The following CCDC12 variants were observed in gnomAD, a reference collection of about 807,000 sequenced individuals.
The protein encoded by CCDC12 is coiled-coil domain containing 12.
CCDC12 carries 28 observed loss-of-function variants against 25.7 expected under a neutral mutation model. That is an observed-to-expected ratio of 1.09 (90% CI 0.81 to 1.50). CCDC12 has a LOEUF of 1.50. Ranked by LOEUF, CCDC12 falls within the 40% of genes most tolerant of loss-of-function variation. The pLI, the probability that CCDC12 is intolerant of heterozygous loss-of-function variation, is 0.00. For missense variants in CCDC12, 198 were observed against 210.0 expected (o/e 0.94, Z 0.35); for synonymous variants, 75 against 87.7 (o/e 0.86, Z 0.81).
intron 1 of CCDC12, among the ~76,000 whole-genome samples, chr3:46,946,919 G>A (rs1250984378): frequency 1.3e-5 from 2 of 152,164 alleles, no homozygotes; most frequent in Non-Finnish European, 2.9e-5. Context: ...GCTGACTAGA[G>A]CTCTCCCTTC....
At chr3:46,938,835 G>C (rs1362156580) in intron 2 of CCDC12, among the ~76,000 whole-genome samples, 1 of 151,614 alleles carries the variant, frequency 6.6e-6, no homozygotes, top group African/African-American at 2.4e-5. Flanking sequence ...CTGGGTGACA[G>C]AGCGAGACCC....
chr3:46,953,850 A>G (rs10461019), intron 1 of CCDC12, among the ~76,000 whole-genome samples: 144,591 of 152,112 alleles, frequency 0.95, 69,171 homozygotes, highest in East Asian at 1. Flanking sequence ...CTAACTGGTG[A>G]TGAGCAATGA....
chr3:46,941,798 G>A (rs55786350), intron 1 of CCDC12, among the ~76,000 whole-genome samples: 20,180 of 152,192 alleles, frequency 0.13, 1,758 homozygotes, highest in Non-Finnish European at 0.2. Context: ...AGCAACCAGG[G>A]CAGGATGAGA....
At chr3:46,946,786 A>G (rs1430414262) in intron 1 of CCDC12, among the ~76,000 whole-genome samples, 1 of 152,180 alleles carries the variant, frequency 6.6e-6, no homozygotes, top group Non-Finnish European at 1.5e-5. Flanking sequence ...TAAAGTTAAA[A>G]TGAGGGCTGG....
At chr3:46,933,108 G>T (rs898698742) in intron 2 of CCDC12, among the ~76,000 whole-genome samples, 2 of 152,196 alleles carry the variant, frequency 1.3e-5, no homozygotes, top group African/African-American at 4.8e-5. Context: ...AGGGCTCTGA[G>T]TGCTCAAGTG....
intron 2 of CCDC12, among the ~76,000 whole-genome samples, chr3:46,928,010 T>G (rs2033047092): frequency 1.3e-5 from 2 of 152,150 alleles, no homozygotes; most frequent in South Asian, 4.1e-4. Context: ...TTAACCTCCC[T>G]TATAAAAGCA....
chr3:46,946,384 C>T (rs1045482567), intron 1 of CCDC12, among the ~76,000 whole-genome samples: 4 of 152,214 alleles, frequency 2.6e-5, no homozygotes, highest in Non-Finnish European at 5.9e-5. Flanking sequence ...TAGGTGTTGT[C>T]GGGGAAGGAA....
At chr3:46,959,414 G>C (rs572433035) in intron 1 of CCDC12, among the ~76,000 whole-genome samples, 14 of 152,348 alleles carry the variant, frequency 9.2e-5, no homozygotes, top group Admixed American at 6.5e-4. Context: ...GGCTGGCACA[G>C]AGTACGTCCT....
chr3:46,944,320 G>A (rs1158284648), intron 1 of CCDC12, among the ~76,000 whole-genome samples: 2 of 151,986 alleles, frequency 1.3e-5, no homozygotes, highest in African/African-American at 4.8e-5. Context: ...GAAGAGTGGC[G>A]CTGAGTTTCT....
At chr3:46,949,931 G>C (rs570617881) in intron 1 of CCDC12, among the ~76,000 whole-genome samples, 84 of 151,870 alleles carry the variant, frequency 5.5e-4, no homozygotes, top group African/African-American at 1.8e-3. Context: ...GGAGGCTGAG[G>C]CAGGAGAACT....
intron 1 of CCDC12, among the ~76,000 whole-genome samples, chr3:46,970,683 G>C (rs1268032734): frequency 6.6e-6 from 1 of 152,196 alleles, no homozygotes; most frequent in African/African-American, 2.4e-5. Flanking sequence ...GCCCAATTCA[G>C]GGCAATCGCT....
In CCDC12 at chr3:46,957,846, G is replaced by A. The variant is rs552126031; in HGVS notation, c.97-16781C>T. Among the ~76,000 whole-genome samples, 6 of 152,186 alleles carry A rather than the reference G, an allele frequency of 3.9e-5. No individual in the cohort carries two copies. The East Asian group carries it at 1.2e-3, about 29-fold the overall frequency. On this transcript the variant is annotated intron_variant, in intron 1 of 6. Coordinates refer to ENST00000683445, the MANE Select transcript of CCDC12 (RefSeq NM_001277074.2). The stretch of plus-strand genomic sequence containing the variant: ...TAATCCCAGCTTCTCGGGAGGCTGA[G>A]GCAGGAGAATCACTTAAACCCAGGT...
At chr3:46,973,613 CTTTTTTT>C (rs758663577) in intron 1 of CCDC12, among the ~76,000 whole-genome samples, 1 of 97,954 alleles carries the variant, frequency 1.0e-5, no homozygotes. Context: ...TTCTTCTTTT[CTTTTTTT>C]TTTTTTTTTT....
upstream of CCDC12, chr3:46,976,875 G>T: frequency 7.2e-7 from 1 of 1,395,314 alleles, no homozygotes; most frequent in Non-Finnish European, 9.5e-7. Flanking sequence ...GTTATTATGG[G>T]CGAGCCCTCC....
intron 2 of CCDC12, among the ~76,000 whole-genome samples, chr3:46,928,627 T>C (rs2033076273): frequency 6.6e-6 from 1 of 152,210 alleles, no homozygotes; most frequent in Non-Finnish European, 1.5e-5. Context: ...CATGAAATGG[T>C]ATCTCAGAAG....
At chr3:46,937,173 T>C (rs1397578227) in intron 2 of CCDC12, among the ~76,000 whole-genome samples, 2 of 152,126 alleles carry the variant, frequency 1.3e-5, no homozygotes, top group African/African-American at 4.8e-5. Context: ...CCAGGGACAC[T>C]GTGTAAAGGA....
At chr3:46,964,362 CG>C (rs1184416812) in intron 1 of CCDC12, among the ~76,000 whole-genome samples, 1 of 151,804 alleles carries the variant, frequency 6.6e-6, no homozygotes, top group Non-Finnish European at 1.5e-5. Flanking sequence ...CCAGCCGCCC[CG>C]TCTGGGAGGT....
intron 2 of CCDC12, chr3:46,940,790 T>C: frequency 1.7e-6 from 1 of 588,236 alleles, no homozygotes. Context: ...AACAGCCAAA[T>C]GGAAAATGAG....
rs143206112 is a variant in CCDC12, at chr3:46,957,307, G to A, written c.97-16242C>T. ...GGGCTAACTGTAGTATCTAGTACTC[G>A]AAGGCAGTAGCAGTTTCCTCATTGA... On this transcript the variant is annotated intron_variant, in intron 1 of 6. Transcript: ENST00000683445. Among the ~76,000 whole-genome samples, 1,074 of 152,266 alleles carry A rather than the reference G, an allele frequency of 7.1e-3. 14 individuals are homozygous for A. Among genetic ancestry groups the A allele is most frequent in the African/African-American group, 0.025 (1,018 of 41,534 alleles).
Sources: gnomAD v4.1 joint callset for allele counts (sites outside exome capture counted in the v4.1 genomes callset) on GRCh38, gnomAD v4.1.1 for gene constraint, MANE v1.5 for transcripts, NCBI Gene and HGNC (gene_info 2026-07-23, HGNC 2026-07-21) for gene names.